The following DOK7 variants were observed in gnomAD, a reference collection of about 807,000 sequenced individuals.
DOK7 encodes docking protein 7.
Under a neutral mutation model 30.7 loss-of-function variants are expected in DOK7, and 32 were observed. The ratio of observed to expected loss-of-function variants is 1.04; its 90% CI spans 0.79 to 1.40. DOK7 has a LOEUF of 1.40. Among genes scored for constraint, DOK7 ranks in the 40% most tolerant of loss-of-function variants. The probability of loss-of-function intolerance (pLI) is 0.00; values close to 1 mark genes in which losing one functional copy is unlikely to be tolerated. For synonymous variants in DOK7, 447 were observed against 324.1 expected (o/e 1.38, Z -4.07); for missense variants, 1,007 against 699.2 (o/e 1.44, Z -4.97).
chr4:3,487,709 G>GT (rs1727902186), intron 5 of DOK7, among the ~76,000 whole-genome samples: 1 of 152,220 alleles, frequency 6.6e-6, no homozygotes, highest in African/African-American at 2.4e-5. Context: ...GAGTCGATCC[G>GT]TGTCTTGCTG....
At chr4:3,465,798 G>A (rs1216194325) in intron 2 of DOK7, among the ~76,000 whole-genome samples, 3 of 152,190 alleles carry the variant, frequency 2.0e-5, no homozygotes, top group African/African-American at 4.8e-5. Context: ...TGCGGAATGC[G>A]TGTCTGCGTC....
downstream of DOK7, among the ~76,000 whole-genome samples, chr4:3,494,905 G>A (rs1251667297): frequency 1.3e-5 from 2 of 152,142 alleles, no homozygotes; most frequent in Non-Finnish European, 1.5e-5. Flanking sequence ...GCACATCTGT[G>A]TGGGTGCCTG....
chr4:3,468,938 T>G (rs1726552775), intron 2 of DOK7, among the ~76,000 whole-genome samples: 1 of 137,204 alleles, frequency 7.3e-6, no homozygotes. Flanking sequence ...TGTGCGTGCT[T>G]TTGTGCACGT....
chr4:3,487,277 G>A (rs930183434), intron 5 of DOK7, among the ~76,000 whole-genome samples: 6 of 152,344 alleles, frequency 3.9e-5, no homozygotes, highest in East Asian at 1.9e-4. Flanking sequence ...CAGAGAAGCC[G>A]TGGGCCCAGC....
At chr4:3,475,169 A>C (rs1243430923) in intron 3 of DOK7, among the ~76,000 whole-genome samples, 1 of 152,190 alleles carries the variant, frequency 6.6e-6, no homozygotes, top group Non-Finnish European at 1.5e-5. Flanking sequence ...AGGAGACATT[A>C]GGAGGGAAGA....
downstream of DOK7, among the ~76,000 whole-genome samples, chr4:3,494,694 T>C (rs912799439): frequency 3.9e-5 from 6 of 152,286 alleles, no homozygotes; most frequent in Admixed American, 1.3e-4. Context: ...GGGATGTGCA[T>C]GTGTGGTGTG....
chr4:3,487,757 T>C (rs1727906973), intron 5 of DOK7, among the ~76,000 whole-genome samples: 1 of 152,214 alleles, frequency 6.6e-6, no homozygotes, highest in Non-Finnish European at 1.5e-5. Flanking sequence ...TGGGAGGTTG[T>C]GTCCTGCATC....
In DOK7 at chr4:3,476,563, T is replaced by C. The variant is rs1457900270; in HGVS notation, c.532+21T>C. On this transcript the variant is annotated intron_variant, in intron 4 of 6. Coordinates refer to ENST00000340083, the MANE Select transcript of DOK7 (RefSeq NM_173660.5). Reference sequence around the variant, plus strand: ...GTACTGTAAGTACGGATGTGTGGGGTCACTGGGCAGCAGCAGCACCCCCCA... The same window carrying C: ...GTACTGTAAGTACGGATGTGTGGGGCCACTGGGCAGCAGCAGCACCCCCCA... 1.9e-6 allele frequency: 3 copies of C among 1,612,940 alleles called. No homozygotes were observed. In the African/African-American group the frequency reaches 4.0e-5, roughly 22 times the overall value.
At chr4:3,468,587 AGTGT>A (rs745804353) in intron 2 of DOK7, among the ~76,000 whole-genome samples, 1 of 120,042 alleles carries the variant, frequency 8.3e-6, no homozygotes, top group Admixed American at 8.2e-5. Context: ...TGCTTGTCTG[AGTGT>A]GCGTGTATTG....
chr4:3,491,128 G>A (rs541726077), intron 6 of DOK7, among the ~76,000 whole-genome samples: 11 of 40,822 alleles, frequency 2.7e-4, no homozygotes, highest in Admixed American at 6.6e-4. Context: ...TCGTTCATTC[G>A]TTTCTCCCTT....
In DOK7 at chr4:3,493,123, G is replaced by T. The variant is rs1728629535; in HGVS notation, c.1137G>T (p.Gly379=). 1.3e-6 allele frequency: 2 copies of T among 1,592,780 alleles called. No individual in the cohort carries two copies. Residue 379 remains glycine (G), a synonymous_variant, in exon 7 of 7, where the codon GGG becomes GGT. Transcript: ENST00000340083. Reference sequence around the variant, plus strand: ...CACTGCTCAGCCTGCCAGCAGCGGGGGCCCCCGAGCCCAGCCTGTGCACCT... The same window carrying T: ...CACTGCTCAGCCTGCCAGCAGCGGGTGCCCCCGAGCCCAGCCTGTGCACCT... The part of the protein sequence containing the change: ...LGSLLSLPAA[G]APEPSLCTCL...
intron 4 of DOK7, 107 bp from the exon 5 acceptor site, chr4:3,485,431 CA>C: frequency 7.4e-7 from 1 of 1,357,904 alleles, no homozygotes; most frequent in Non-Finnish European, 9.6e-7. Context: ...GGCAGGGTGT[CA>C]TTGTCGGCTC....
chr4:3,484,626 G>C, intron 4 of DOK7: 1 of 985,510 alleles, frequency 1.0e-6, no homozygotes. Context: ...TTCTCCACGG[G>C]TGGCGGCTGC....
At chr4:3,484,129 G>A (rs904300225) in intron 4 of DOK7, among the ~76,000 whole-genome samples, 2 of 152,230 alleles carry the variant, frequency 1.3e-5, no homozygotes, top group Admixed American at 6.5e-5. Flanking sequence ...GACAGGTGGC[G>A]TGCCTTCTCT....
In DOK7 at chr4:3,473,646, G is replaced by GGGGGCC. The variant is rs745546967; in HGVS notation, c.331+20_331+25dup. 7.8e-6 allele frequency: 12 copies of GGGGGCC among 1,542,702 alleles called. No homozygotes were observed. The highest frequency in any genetic ancestry group is 1.2e-5 in the South Asian group (1 of 84,928). ...TATGCGCTCGGCGAGGGTGAGTGAC[G>GGGGGCC]GGGGCCGGGGCCGGGCGGGGGCTCC... On this transcript the variant is annotated intron_variant, in intron 3 of 6. Coordinates refer to ENST00000340083, the MANE Select transcript of DOK7 (RefSeq NM_173660.5).
intron 4 of DOK7, among the ~76,000 whole-genome samples, chr4:3,478,592 G>GCA (rs781132446): frequency 0.1 from 14,680 of 140,312 alleles, 959 homozygotes; most frequent in East Asian, 0.19. Context: ...ACCCGCAAAC[G>GCA]GGGGCTGGCC....
At chr4:3,484,289 C>G (rs1727617570) in intron 4 of DOK7, among the ~76,000 whole-genome samples, 1 of 152,312 alleles carries the variant, frequency 6.6e-6, no homozygotes, top group East Asian at 1.9e-4. Flanking sequence ...AGCGTCGCCA[C>G]GTGTCGGGGC....
rs1445307443 is a variant in DOK7 at position 3,473,542 on chromosome 4, C to T, written c.237C>T (p.Ala79=). Residue 79 remains alanine, a synonymous_variant, in exon 3 of 7, where the codon GCC becomes GCT. Coordinates refer to ENST00000340083, the MANE Select transcript of DOK7 (RefSeq NM_173660.5). ...LPYEGLVHTL[A]IVCLSQAIML... is the part of the protein sequence containing the mutation. ...ACGAGGGCCTGGTCCACACGCTGGC[C>T]ATTGTCTGCCTGTCCCAGGCCATCA... 2 of 1,610,806 alleles carry T rather than the reference C, an allele frequency of 1.2e-6. No homozygotes were observed. The highest frequency in any genetic ancestry group is 1.7e-6 in the Non-Finnish European group (2 of 1,179,628).
At position 3,493,346 on chromosome 4, in the gene DOK7, C is replaced by T. The variant is rs1231920444; in HGVS notation, c.1360C>T (p.Leu454=). The T allele has an allele frequency of 2.5e-6, 4 of 1,599,204 alleles. No individual in the cohort carries two copies. The highest frequency in any genetic ancestry group is 2.3e-5 in the East Asian group (1 of 44,282). ...CTGGCTGGGCACGAGACGGCGGGGC[C>T]TGGTGATGGAGGCCCCCCAGGGCAG... ...SGWLGTRRRG[L]VMEAPQGSEA... The change falls in exon 7 of 7, where the codon CTG becomes TTG. Residue 454 remains leucine, a synonymous_variant. Transcript: ENST00000340083.
Sources: gnomAD v4.1 joint callset for allele counts (sites outside exome capture counted in the v4.1 genomes callset) on GRCh38, gnomAD v4.1.1 for gene constraint, MANE v1.5 for transcripts, NCBI Gene and HGNC (gene_info 2026-07-23, HGNC 2026-07-21) for gene names.